Variants in LTBP1 observed in about 807,000 individuals in gnomAD.
LTBP1 encodes the protein latent-transforming growth factor beta-binding protein 1.
LTBP1 carries 129 observed loss-of-function variants against 207.6 expected under a neutral mutation model. The observed-to-expected ratio is 0.62, with a 90% CI of 0.54 to 0.72. The LOEUF (loss-of-function observed/expected upper bound fraction) is 0.72, where lower values mean the gene tolerates loss of function less well. LTBP1 is among the 30% of genes least tolerant of loss of function. The pLI is 0.00. For missense variants in LTBP1, 2,281 were observed against 2,217.2 expected, an observed-to-expected ratio of 1.03 and a Z score of -0.58; for synonymous variants, 963 against 833.7, an observed-to-expected ratio of 1.16 and a Z score of -2.67.
intron 2 of LTBP1, among the ~76,000 whole-genome samples, chr2:32,962,550 A>G (rs1001313445): frequency 6.6e-6 from 1 of 152,264 alleles, no homozygotes; most frequent in Non-Finnish European, 1.5e-5. Context: ...GTTTGTTTCG[A>G]GTGGAAGACC....
In LTBP1 at chr2:33,313,233, G is replaced by A. The variant is rs889915253; in HGVS notation, c.3605-1911G>A. 2.0e-5 allele frequency among the ~76,000 whole-genome samples: 3 copies of A among 152,224 alleles called. No individual in the cohort carries two copies. In the East Asian group the frequency reaches 5.8e-4, roughly 29 times the overall value. On this transcript the variant is annotated intron_variant, in intron 23 of 33. Coordinates refer to ENST00000404816, the MANE Select transcript of LTBP1 (RefSeq NM_206943.4). ...TAGGAGAATTGTTAAGAAAGTATGA[G>A]TAATTCCTGTTGGGTTTCTTATTTT...
intron 5 of LTBP1, among the ~76,000 whole-genome samples, chr2:33,158,299 T>C (rs1454979081): frequency 6.6e-6 from 1 of 152,094 alleles, no homozygotes; most frequent in Non-Finnish European, 1.5e-5. Context: ...CAAACCCAAA[T>C]ATCCAGGGAT....
At chr2:33,120,626 C>T (rs752462391) in intron 4 of LTBP1, among the ~76,000 whole-genome samples, 2 of 152,004 alleles carry the variant, frequency 1.3e-5, no homozygotes, top group Admixed American at 6.6e-5. Flanking sequence ...TCTTTGCTAT[C>T]GTGAATAGTG....
intron 4 of LTBP1, among the ~76,000 whole-genome samples, chr2:33,124,104 C>T (rs1392879714): frequency 6.6e-6 from 1 of 152,116 alleles, no homozygotes; most frequent in African/African-American, 2.4e-5. Flanking sequence ...AGGTGTTTAG[C>T]TTAACAAAAA....
chr2:33,225,402 G>C (rs2091376144), intron 9 of LTBP1, among the ~76,000 whole-genome samples: 2 of 152,202 alleles, frequency 1.3e-5, no homozygotes, highest in Admixed American at 1.3e-4. Flanking sequence ...AAAAGAAAGA[G>C]ATTTAACTGG....
intron 26 of LTBP1, among the ~76,000 whole-genome samples, chr2:33,351,594 G>A (rs760807511): frequency 1.1e-4 from 16 of 152,168 alleles, no homozygotes; most frequent in Non-Finnish European, 1.6e-4. Context: ...CAACAGAACC[G>A]TTTTCCATTT....
chr2:33,257,654 C>G (rs200245135), intron 12 of LTBP1, 143 bp downstream of exon 12: 2 of 401,118 alleles, frequency 5.0e-6, no homozygotes, highest in Non-Finnish European at 9.4e-6. Flanking sequence ...TGATTGGGGG[C>G]TGCCCTGTGT....
At chr2:33,043,365 AT>A (rs2076286711) in intron 3 of LTBP1, among the ~76,000 whole-genome samples, 1 of 152,014 alleles carries the variant, frequency 6.6e-6, no homozygotes, top group Non-Finnish European at 1.5e-5. Context: ...TATGTTCCTG[AT>A]TATGTAACTA....
chr2:33,168,627 T>G (rs544135708), intron 5 of LTBP1, among the ~76,000 whole-genome samples: 6 of 152,202 alleles, frequency 3.9e-5, no homozygotes, highest in African/African-American at 1.4e-4. Context: ...CTGGGTGTTT[T>G]TGTGTTACAT....
chr2:33,398,219 C>T, intron 33 of LTBP1, 145 bp from the exon 34 acceptor site: 1 of 638,114 alleles, frequency 1.6e-6, no homozygotes, highest in Non-Finnish European at 2.6e-6. Context: ...TCAAAAAAGT[C>T]ATCTTCGTCT....
chr2:33,150,768 G>C (rs550890635), intron 5 of LTBP1, among the ~76,000 whole-genome samples: 40 of 132,716 alleles, frequency 3.0e-4, no homozygotes, highest in African/African-American at 1.1e-3. Flanking sequence ...GCCCAGGCTG[G>C]AGTGCAGTGG....
intron 5 of LTBP1, among the ~76,000 whole-genome samples, chr2:33,179,410 G>A (rs935631631): frequency 1.3e-5 from 2 of 151,922 alleles, no homozygotes; most frequent in East Asian, 3.9e-4. Flanking sequence ...AGAATGAAAC[G>A]ATAATGTATT....
At chr2:33,379,352 G>A (rs112283920) in intron 31 of LTBP1, among the ~76,000 whole-genome samples, 40 of 152,176 alleles carry the variant, frequency 2.6e-4, no homozygotes, top group African/African-American at 9.2e-4. Flanking sequence ...TGGGACTACA[G>A]GTGCCTGCCA....
chr2:33,395,367 C>T (rs901530508), intron 32 of LTBP1, among the ~76,000 whole-genome samples: 6 of 152,162 alleles, frequency 3.9e-5, no homozygotes, highest in African/African-American at 9.6e-5. Flanking sequence ...TTACTTCATA[C>T]GTGAGAAAAA....
intron 11 of LTBP1, among the ~76,000 whole-genome samples, chr2:33,254,554 T>TTG (rs1332406354): frequency 1.0e-4 from 15 of 148,896 alleles, no homozygotes; most frequent in Middle Eastern, 3.4e-3. Context: ...ACTTGGTTTT[T>TTG]TTTTTTTTTT....
chr2:33,251,065 A>G (rs78270585), intron 10 of LTBP1, among the ~76,000 whole-genome samples: 2,235 of 152,286 alleles, frequency 0.015, 22 homozygotes, highest in East Asian at 0.026. Context: ...TGGACCCACT[A>G]ACACCAATGC....
chr2:33,128,785 A>T (rs1273674480), intron 4 of LTBP1, among the ~76,000 whole-genome samples: 2 of 152,226 alleles, frequency 1.3e-5, no homozygotes, highest in African/African-American at 4.8e-5. Flanking sequence ...GATTGGGTAC[A>T]TTGAGCTCTT....
chr2:33,359,915 A>G (rs2094907799), intron 26 of LTBP1, among the ~76,000 whole-genome samples: 1 of 152,308 alleles, frequency 6.6e-6, no homozygotes, highest in African/African-American at 2.4e-5. Context: ...GTTTTATCAC[A>G]CAGAGGGTTA....
At chr2:33,288,622 G>T (rs1002840586) in intron 19 of LTBP1, among the ~76,000 whole-genome samples, 2 of 152,114 alleles carry the variant, frequency 1.3e-5, no homozygotes, top group Non-Finnish European at 2.9e-5. Context: ...TTGGGAGGCC[G>T]AGGCGGGCAG....
Sources: gnomAD v4.1 joint callset for allele counts (sites outside exome capture counted in the v4.1 genomes callset) on GRCh38, gnomAD v4.1.1 for gene constraint, MANE v1.5 for transcripts, NCBI Gene and HGNC (gene_info 2026-07-23, HGNC 2026-07-21) for gene names.